BDP1: variants seen among roughly 807,000 people sequenced by gnomAD.
BDP1 encodes the protein BDP1 general transcription factor IIIB subunit.
Under a neutral mutation model 266.6 loss-of-function variants are expected in BDP1, and 169 were observed. That is an observed-to-expected ratio of 0.63 (90% CI 0.56 to 0.72). BDP1 has a LOEUF of 0.72. Among genes scored for constraint, BDP1 ranks in the 30% least tolerant of loss-of-function variants. The probability of loss-of-function intolerance (pLI) is 0.00; values close to 1 mark genes in which losing one functional copy is unlikely to be tolerated. For missense variants in BDP1, 3,015 were observed against 3,053.8 expected, an observed-to-expected ratio of 0.99 and a Z score of 0.30; for synonymous variants, 1,090 against 1,022.4, an observed-to-expected ratio of 1.07 and a Z score of -1.26.
In BDP1 at chr5:71,458,696, T is replaced by C. The variant is rs746593748; in HGVS notation, c.330T>C (p.Ser110=). Residue 110 remains serine, a synonymous_variant, in exon 2 of 39, where the codon AGT becomes AGC. Transcript: ENST00000358731. ...CTAGCCTGGTTAAGTCTAGTGTCAG[T>C]GTTCCTTCAGAATCTCATCCCTTAT... ...STSSLVKSSV[S]VPSESHPLST... 6.2e-7 allele frequency: 1 copy of C among 1,614,190 alleles called. No homozygotes were observed. The highest frequency in any genetic ancestry group is 1.1e-5 in the South Asian group (1 of 91,090).
At chr5:71,545,269 TTA>T in intron 32 of BDP1, 50 bp downstream of exon 32, 1 of 1,491,718 alleles carries the variant, frequency 6.7e-7, no homozygotes, top group Non-Finnish European at 9.2e-7. Flanking sequence ...TTTCCTCCAT[TTA>T]AAAAAAAAAA....
Position 71,510,523 on chromosome 5 carries a change from A to T in BDP1, c.3431A>T (p.Asp1144Val). 2 of 1,614,002 alleles carry T rather than the reference A, an allele frequency of 1.2e-6. No homozygotes were observed. The highest frequency in any genetic ancestry group is 1.7e-6 in the Non-Finnish European group (2 of 1,179,988). ...GATGCCACTGAGGAAATAGACAAAGATCTGGAAGAAACTGGAAGAAGAGAA... is the reference window on the plus strand; with the variant it reads ...GATGCCACTGAGGAAATAGACAAAGTTCTGGAAGAAACTGGAAGAAGAGAA... ...VIDATEEIDK[D>V]LEETGRREIS... Residue 1144 changes from aspartate (D) to valine (V), a missense_variant, in exon 17 of 39, where the codon GAT becomes GTT. Physicochemically the swap from Asp to Val is radical, Grantham distance 152. Coordinates refer to ENST00000358731, the MANE Select transcript of BDP1 (RefSeq NM_018429.3).
chr5:71,556,744 G>T (rs565794308), intron 35 of BDP1, 142 bp from the exon 36 acceptor site: 25 of 466,482 alleles, frequency 5.4e-5, no homozygotes, highest in African/African-American at 4.1e-4. Context: ...CAATATTTTT[G>T]CCATAAATGT....
intron 32 of BDP1, among the ~76,000 whole-genome samples, chr5:71,546,345 G>C (rs1434837928): frequency 6.6e-6 from 1 of 151,850 alleles, no homozygotes; most frequent in Non-Finnish European, 1.5e-5. Flanking sequence ...TTGGCTGGGT[G>C]GGGTAGCTCA....
chr5:71,513,201 G>T lies in BDP1; in HGVS notation c.4264G>T (p.Glu1422Ter). 1.2e-6 allele frequency: 2 copies of T among 1,611,598 alleles called. No individual in the cohort carries two copies. The highest frequency in any genetic ancestry group is 1.7e-6 in the Non-Finnish European group (2 of 1,179,612). ...TTCCAAAAGCAAATCTCTTCCTCAA[G>T]AACAGAAGCCACTTGAAATTAAACC... ...DINLSKSLPQ[E>*]QKPLEIKPAP... Residue 1422 changes from glutamate to a stop codon, truncating the protein, a stop_gained, in exon 19 of 39, where the codon GAA becomes TAA. Transcript: ENST00000358731. LOFTEE classifies it high-confidence loss of function.
intron 25 of BDP1, among the ~76,000 whole-genome samples, chr5:71,526,698 T>A (rs1404244374): frequency 1.3e-4 from 20 of 150,212 alleles, no homozygotes; most frequent in African/African-American, 4.4e-4. Context: ...TTTTTTTTTT[T>A]TTTTTTAAAG....
rs776710284 is a variant in BDP1, at chr5:71,542,161, C to T, written c.6308C>T (p.Pro2103Leu). The stretch of plus-strand genomic sequence containing the variant: ...AGAATAAGAAGTAGGCTTGCTAAGC[C>T]TAAACCAAATCTTGAGAAGACTTTA... Reference protein sequence around the residue: ...NLRIRSRLAKPKPNLEKTLGT... With the variant: ...NLRIRSRLAKLKPNLEKTLGT... The change falls in exon 30 of 39, where the codon CCT (proline) becomes CTT (leucine). Residue 2103 changes from proline (P) to leucine (L), a missense_variant. Pro to Leu is a moderately conservative substitution (Grantham distance 98). This residue lies in a region of BDP1 where 629 missense variants were observed against 632.5 expected (regional missense o/e 0.99). Coordinates refer to ENST00000358731, the MANE Select transcript of BDP1 (RefSeq NM_018429.3). The T allele has an allele frequency of 6.2e-7, 1 of 1,613,364 alleles. No homozygotes were observed. Among genetic ancestry groups the T allele is most frequent in the Non-Finnish European group, 8.5e-7 (1 of 1,179,744 alleles).
intron 32 of BDP1, 100 bp downstream of exon 32, chr5:71,545,319 C>A: frequency 9.3e-7 from 1 of 1,070,630 alleles, no homozygotes; most frequent in Non-Finnish European, 1.4e-6. Context: ...CCTCTTTTAT[C>A]TTCATTTTTC....
At chr5:71,489,343 C>A in intron 9 of BDP1, 61 bp from the exon 10 acceptor site, 1 of 1,313,542 alleles carries the variant, frequency 7.6e-7, no homozygotes, top group Non-Finnish European at 1.0e-6. Context: ...GTCTCTTTCC[C>A]ACCTTTACAA....
chr5:71,521,992 A>G (rs902947691), intron 22 of BDP1, among the ~76,000 whole-genome samples: 8 of 151,994 alleles, frequency 5.3e-5, no homozygotes, highest in African/African-American at 1.9e-4. Context: ...GATTTCTCTG[A>G]AAATTAAAGT....
rs1227664634 is a variant in BDP1 at position 71,486,572 on chromosome 5, T to TA, written c.1163dup (p.Asn388LysfsTer24). ...AAGAGAAAAGAAAACAAAAATCTGT[T>TA]AAAAATCACAGTTTAAAGGAGAAGA... On this transcript the variant is annotated frameshift_variant, in exon 9 of 39. Transcript: ENST00000358731. LOFTEE classifies it high-confidence loss of function. 2 of 1,543,396 alleles carry TA rather than the reference T, an allele frequency of 1.3e-6. No individual in the cohort carries two copies. The highest frequency in any genetic ancestry group is 1.7e-6 in the Non-Finnish European group (2 of 1,158,566).
intron 15 of BDP1, among the ~76,000 whole-genome samples, chr5:71,503,512 A>C (rs1343068689): frequency 6.6e-6 from 1 of 152,232 alleles, no homozygotes. Flanking sequence ...AAATAAGTAC[A>C]TATGTGAGTT....
At position 71,529,336 on chromosome 5, in the gene BDP1, GCCAAGATCACA is replaced by G. The variant is rs1447423882; in HGVS notation, c.5773-2968_5773-2958del. Among the ~76,000 whole-genome samples the G allele has an allele frequency of 2.0e-5, 3 of 152,100 alleles. No individual in the cohort carries two copies. The East Asian group carries it at 5.8e-4, about 30-fold the overall frequency. On this transcript the variant is annotated intron_variant, in intron 25 of 38. Coordinates refer to ENST00000358731, the MANE Select transcript of BDP1 (RefSeq NM_018429.3). ...AACCAGAAGGCAATGGTTGTGGTGA[GCCAAGATCACA>G]CCACTGCACTCCAGCCTGGGCGAAA...
intron 5 of BDP1, among the ~76,000 whole-genome samples, chr5:71,466,971 C>T (rs984246266): frequency 2.0e-5 from 3 of 152,128 alleles, no homozygotes; most frequent in Non-Finnish European, 2.9e-5. Flanking sequence ...ACTGCTTTCT[C>T]TGCAGGAATG....
intron 2 of BDP1, 136 bp downstream of exon 2, chr5:71,458,991 T>TAA: frequency 1.3e-6 from 1 of 749,036 alleles, no homozygotes; most frequent in Non-Finnish European, 2.1e-6. Context: ...GAACATCCCT[T>TAA]CTTGTTAATG....
chr5:71,572,967 GCCTGTAATC>G, the BDP1 span, among the ~76,000 whole-genome samples: 5 of 152,244 alleles, frequency 3.3e-5, no homozygotes, highest in Admixed American at 3.3e-4. Flanking sequence ...GGTGGCTCAC[GCCTGTAATC>G]CCAGCACTTT....
chr5:71,551,880 G>A (rs986049052), intron 34 of BDP1, among the ~76,000 whole-genome samples: 4 of 148,634 alleles, frequency 2.7e-5, no homozygotes, highest in Non-Finnish European at 6.0e-5. Context: ...CCTCCCGGAC[G>A]GGGCAGCTGG....
At chr5:71,574,729 TG>T in the BDP1 span, among the ~76,000 whole-genome samples, 3 of 152,238 alleles carry the variant, frequency 2.0e-5, no homozygotes, top group Non-Finnish European at 4.4e-5. Context: ...GTTTTTGAAC[TG>T]GGAGAATATA....
chr5:71,574,320 C>T, the BDP1 span, among the ~76,000 whole-genome samples: 1 of 152,220 alleles, frequency 6.6e-6, no homozygotes, highest in Non-Finnish European at 1.5e-5. Context: ...AATCACTGGG[C>T]TAATCAGTGC....
Sources: gnomAD v4.1 joint callset for allele counts (sites outside exome capture counted in the v4.1 genomes callset) on GRCh38, gnomAD v4.1.1 for gene constraint, gnomAD v4.1.1 regional missense constraint, MANE v1.5 for transcripts, NCBI Gene and HGNC (gene_info 2026-07-23, HGNC 2026-07-21) for gene names.